Variants in PALLD observed in about 807,000 individuals in gnomAD.
The protein encoded by PALLD is palladin.
Under a neutral mutation model 123.5 loss-of-function variants are expected in PALLD, and 61 were observed. The observed-to-expected ratio is 0.49, with a 90% CI of 0.40 to 0.61. The LOEUF (loss-of-function observed/expected upper bound fraction) is 0.61. Ranked by LOEUF, PALLD falls within the 20% of genes least tolerant of loss-of-function variation. The pLI is 0.00. For synonymous variants in PALLD, 465 were observed against 496.4 expected (o/e 0.94, Z 0.84); for missense variants, 1,273 against 1,377.0 (o/e 0.92, Z 1.20).
At chr4:168,637,373 CCAGCAAGCA>C (rs1320266628) in intron 2 of PALLD, among the ~76,000 whole-genome samples, 2 of 152,080 alleles carry the variant, frequency 1.3e-5, no homozygotes, top group Non-Finnish European at 2.9e-5. Context: ...TAGACAACTA[CCAGCAAGCA>C]CAGCAAGTTG....
chr4:168,918,380 T>G (rs1760703408), intron 17 of PALLD, among the ~76,000 whole-genome samples: 1 of 151,826 alleles, frequency 6.6e-6, no homozygotes, highest in Non-Finnish European at 1.5e-5. Flanking sequence ...ATCCTGTCAT[T>G]GTGACAACAT....
At chr4:168,921,484 T>TTCACTCTG (rs1170950199) in intron 17 of PALLD, 50 bp from the exon 18 acceptor site, 1 of 1,293,446 alleles carries the variant, frequency 7.7e-7, no homozygotes, top group Non-Finnish European at 1.1e-6. Flanking sequence ...TACCAGTGAT[T>TTCACTCTG]TCACTCTGTT....
At chr4:168,855,248 G>A (rs1308879056) in intron 10 of PALLD, among the ~76,000 whole-genome samples, 4 of 151,978 alleles carry the variant, frequency 2.6e-5, no homozygotes, top group East Asian at 1.9e-4. Context: ...ATGCCATCAC[G>A]CCCAGCTAAT....
At chr4:168,867,264 C>G (rs921658143) in intron 10 of PALLD, among the ~76,000 whole-genome samples, 1 of 152,218 alleles carries the variant, frequency 6.6e-6, no homozygotes, top group Non-Finnish European at 1.5e-5. Flanking sequence ...GCAGTTAGCT[C>G]TCATCACTAG....
chr4:168,875,107 A>T (rs1047909206), intron 10 of PALLD, among the ~76,000 whole-genome samples: 2 of 152,082 alleles, frequency 1.3e-5, no homozygotes, highest in Admixed American at 6.6e-5. Context: ...TTGGAAATAC[A>T]TAGTATTTCC....
intron 10 of PALLD, among the ~76,000 whole-genome samples, chr4:168,742,484 G>A (rs1263155951): frequency 6.6e-6 from 1 of 152,156 alleles, no homozygotes; most frequent in Non-Finnish European, 1.5e-5. Flanking sequence ...GTATTAAGAT[G>A]TTCTTTCATT....
intron 2 of PALLD, among the ~76,000 whole-genome samples, chr4:168,621,144 G>A (rs1561313441): frequency 6.6e-6 from 1 of 152,196 alleles, no homozygotes; most frequent in Non-Finnish European, 1.5e-5. Context: ...TTTGCTTTGT[G>A]TTATTTTTCT....
At chr4:168,510,014 A>G in intron 1 of PALLD, among the ~76,000 whole-genome samples, 1 of 152,142 alleles carries the variant, frequency 6.6e-6, no homozygotes, top group East Asian at 1.9e-4. Flanking sequence ...AAGACACACC[A>G]TTTCTGGGGA....
rs5863950 is a variant in PALLD, at chr4:168,612,254, C to CA, written c.909-55919dup. Among the ~76,000 whole-genome samples, 409 of 127,122 alleles carry CA rather than the reference C, an allele frequency of 3.2e-3. 1 individual carries two copies. Among genetic ancestry groups the CA allele is most frequent in the African/African-American group, 2.7e-3 (94 of 35,274 alleles). 83.4% of individuals were successfully genotyped at this position (127,122 alleles called of 152,430 possible). On this transcript the variant is annotated intron_variant, in intron 2 of 21. Coordinates refer to ENST00000505667, the MANE Select transcript of PALLD (RefSeq NM_001166108.2). The stretch of plus-strand genomic sequence containing the variant: ...TCAGTGTCCTTGAAATCTAGGTTTA[C>CA]AAAAAAAAAAAAAAAAATGCTCATC...
At chr4:168,617,343 ATGTC>A (rs1433768630) in intron 2 of PALLD, among the ~76,000 whole-genome samples, 1 of 152,156 alleles carries the variant, frequency 6.6e-6, no homozygotes, top group Non-Finnish European at 1.5e-5. Context: ...AAGAAAAAAA[ATGTC>A]TGCTTTTTCT....
Position 168,711,802 on chromosome 4 carries a change from C to T in PALLD, c.1843C>T (p.Pro615Ser), listed in dbSNP as rs1454111307. The change falls in exon 10 of 22, where the codon CCC (proline) becomes TCC (serine). Residue 615 changes from proline to serine, a missense_variant. Transcript: ENST00000505667. ...AAERETNGVH[P>S]SRGVNGLING... ...TGAGAGGGAAACGAACGGAGTCCATCCCAGCCGTGGAGTAAATGGACTGAT... is the reference window on the plus strand; with the variant it reads ...TGAGAGGGAAACGAACGGAGTCCATTCCAGCCGTGGAGTAAATGGACTGAT... The T allele has an allele frequency of 6.2e-7, 1 of 1,614,034 alleles. No homozygotes were observed. Among genetic ancestry groups the T allele is most frequent in the Non-Finnish European group, 8.5e-7 (1 of 1,179,926 alleles).
chr4:168,702,891 T>A (rs929796486), intron 8 of PALLD, among the ~76,000 whole-genome samples: 64 of 140,360 alleles, frequency 4.6e-4, no homozygotes, highest in African/African-American at 1.2e-3. Flanking sequence ...TATTTATTTA[T>A]TTTATTTATT....
chr4:168,816,969 A>G (rs1742061995), intron 10 of PALLD, among the ~76,000 whole-genome samples: 1 of 151,984 alleles, frequency 6.6e-6, no homozygotes, highest in African/African-American at 2.4e-5. Context: ...CCAGCGACCA[A>G]ATAAGGAAGT....
At chr4:168,828,493 A>G (rs1743728794) in intron 10 of PALLD, among the ~76,000 whole-genome samples, 1 of 152,226 alleles carries the variant, frequency 6.6e-6, no homozygotes, top group Admixed American at 6.5e-5. Flanking sequence ...GTAGTTAGAT[A>G]GATCAATCAG....
chr4:168,608,064 C>A (rs544832287), intron 2 of PALLD, among the ~76,000 whole-genome samples: 24 of 152,144 alleles, frequency 1.6e-4, no homozygotes, highest in Non-Finnish European at 3.4e-4. Context: ...CAGTAGGTCC[C>A]GTTTTTACAA....
chr4:168,738,015 G>A (rs6843319), intron 10 of PALLD, among the ~76,000 whole-genome samples: 1,978 of 152,314 alleles, frequency 0.013, 42 homozygotes, highest in African/African-American at 0.045. Context: ...TGAATTCCAA[G>A]CATGGAAGGA....
intron 5 of PALLD, 23 bp downstream of exon 5, chr4:168,683,126 C>T (rs1159013196): frequency 7.1e-7 from 1 of 1,404,268 alleles, no homozygotes; most frequent in African/African-American, 1.4e-5. Flanking sequence ...TGAGCCAGAG[C>T]CCATAAGGGG....
chr4:168,542,696 G>C (rs2149513639), intron 2 of PALLD, among the ~76,000 whole-genome samples: 1 of 112,866 alleles, frequency 8.9e-6, no homozygotes, highest in South Asian at 2.8e-4. Context: ...TGGTTTACAT[G>C]TTTCTCCCAG....
At chr4:168,565,147 G>A (rs1209176868) in intron 2 of PALLD, among the ~76,000 whole-genome samples, 1 of 152,164 alleles carries the variant, frequency 6.6e-6, no homozygotes, top group East Asian at 1.9e-4. Context: ...ATCCTGGGAG[G>A]AAAATGAGAC....
Sources: allele counts gnomAD v4.1 joint callset (sites outside exome capture counted in the v4.1 genomes callset), GRCh38; gene constraint gnomAD v4.1.1; transcripts MANE v1.5; gene names NCBI Gene and HGNC (gene_info 2026-07-23, HGNC 2026-07-21).